Variants in TMEM135 observed in about 807,000 individuals in gnomAD.
TMEM135 encodes peroxisomal membrane protein 52.
Under a neutral mutation model 60.3 loss-of-function variants are expected in TMEM135, and 30 were observed. The observed-to-expected ratio is 0.50, with a 90% confidence interval of 0.37 to 0.68. The LOEUF (loss-of-function observed/expected upper bound fraction) is 0.68, where lower values mean the gene tolerates loss of function less well. Among genes scored for constraint, TMEM135 ranks in the 30% least tolerant of loss-of-function variants. The pLI, the probability that TMEM135 is intolerant of heterozygous loss-of-function variation, is 0.00. For missense variants in TMEM135, 468 were observed against 548.8 expected, an observed-to-expected ratio of 0.85 and a Z score of 1.47; for synonymous variants, 190 against 186.7, an observed-to-expected ratio of 1.02 and a Z score of -0.14.
rs1415177645 is a variant in TMEM135, at chr11:87,327,828, A to T, written c.*6495A>T. The stretch of plus-strand genomic sequence containing the variant: ...CAAGGTTAGAGGATCTGGGGTCCTA[A>T]TGTCCATGGGCAGTTGGAGAAGAGT... On this transcript the variant is annotated 3_prime_UTR_variant, in exon 15 of 15. Transcript: ENST00000305494. 1 of 453,990 alleles carries T rather than the reference A, an allele frequency of 2.2e-6. No homozygotes were observed. Among genetic ancestry groups the T allele is most frequent in the African/African-American group, 2.0e-5 (1 of 50,072 alleles). The allele number at this position is 453,990 out of a possible 1,614,324, so 28.1% of individuals were successfully genotyped here.
At chr11:87,088,967 T>A (rs1431290917) in intron 3 of TMEM135, among the ~76,000 whole-genome samples, 4 of 152,192 alleles carry the variant, frequency 2.6e-5, no homozygotes, top group African/African-American at 9.6e-5. Flanking sequence ...GAACACAAAC[T>A]TTGTTTCATG....
At chr11:87,189,756 C>CAAAAAAAAAAAAAAAAA (rs1939751750) in intron 5 of TMEM135, among the ~76,000 whole-genome samples, 1 of 107,938 alleles carries the variant, frequency 9.3e-6, no homozygotes, top group Non-Finnish European at 2.1e-5. Flanking sequence ...CCCGTCTCCA[C>CAAAAAAAAAAAAAAAAA]AGAAAAAAAA....
chr11:87,183,549 A>G (rs886392156), intron 5 of TMEM135, among the ~76,000 whole-genome samples: 1 of 152,192 alleles, frequency 6.6e-6, no homozygotes, highest in Admixed American at 6.5e-5. Flanking sequence ...ATTTTCAAAA[A>G]GGACATTGCG....
intron 14 of TMEM135, 75 bp from the exon 15 acceptor site, chr11:87,321,126 A>T (rs985380650): frequency 2.0e-5 from 26 of 1,287,728 alleles, no homozygotes; most frequent in Non-Finnish European, 2.7e-5. Context: ...CCCACATAAG[A>T]TAAGTCAACT....
intron 4 of TMEM135, among the ~76,000 whole-genome samples, chr11:87,139,655 G>A (rs1458979454): frequency 6.6e-6 from 1 of 152,106 alleles, no homozygotes; most frequent in Non-Finnish European, 1.5e-5. Context: ...GTACCATTTT[G>A]CCTTCCCGCC....
At chr11:87,298,805 C>A (rs1429736138) in intron 7 of TMEM135, among the ~76,000 whole-genome samples, 188 of 40,484 alleles carry the variant, frequency 4.6e-3, no homozygotes, top group South Asian at 6.8e-3. Context: ...AAAAAAAAAA[C>A]AGCCGGGCAC....
intron 4 of TMEM135, among the ~76,000 whole-genome samples, chr11:87,116,074 A>T (rs1857872019): frequency 1.3e-5 from 2 of 152,130 alleles, no homozygotes; most frequent in South Asian, 4.1e-4. Flanking sequence ...ACTCTTGAAG[A>T]AAATCAGTTA....
intron 5 of TMEM135, among the ~76,000 whole-genome samples, chr11:87,166,955 A>G (rs1939068963): frequency 6.6e-6 from 1 of 152,122 alleles, no homozygotes; most frequent in South Asian, 2.1e-4. Flanking sequence ...TATTTTTTCC[A>G]TTCGTTTGTG....
At chr11:87,139,486 GCTCT>G (rs1938204528) in intron 4 of TMEM135, among the ~76,000 whole-genome samples, 1 of 152,058 alleles carries the variant, frequency 6.6e-6, no homozygotes, top group Non-Finnish European at 1.5e-5. Flanking sequence ...TCACTTGTCT[GCTCT>G]CTGTCACTAA....
intron 4 of TMEM135, among the ~76,000 whole-genome samples, chr11:87,118,934 ATGTTGTGGT>A (rs1857967248): frequency 6.6e-6 from 1 of 152,300 alleles, no homozygotes; most frequent in Admixed American, 6.5e-5. Flanking sequence ...GGTGAAGGGA[ATGTTGTGGT>A]TGGTTTAATC....
At chr11:87,105,917 T>A (rs1189756590) in intron 4 of TMEM135, among the ~76,000 whole-genome samples, 1 of 152,124 alleles carries the variant, frequency 6.6e-6, no homozygotes. Flanking sequence ...TTCACTAACC[T>A]CTCTTCATCT....
Position 87,302,376 on chromosome 11 carries a change from A to C in TMEM135, c.632A>C (p.Glu211Ala). ...AAYAKVEQKR[E>A]QHEEKPGRMN... ...TATGCAAAAGTGGAACAAAAGAGAG[A>C]GCAACATGAGGAAAAACCCGGAAGA... Residue 211 changes from glutamate to alanine, a missense_variant, in exon 8 of 15, where the codon GAG (glutamate) becomes GCG (alanine). Transcript: ENST00000305494. The C allele has an allele frequency of 2.5e-6, 4 of 1,613,936 alleles. No individual in the cohort carries two copies. Among genetic ancestry groups the C allele is most frequent in the Non-Finnish European group, 3.4e-6 (4 of 1,179,926 alleles).
At chr11:87,255,106 C>G (rs553058920) in intron 6 of TMEM135, among the ~76,000 whole-genome samples, 1 of 152,238 alleles carries the variant, frequency 6.6e-6, no homozygotes, top group East Asian at 1.9e-4. Flanking sequence ...ATTTCTCCCC[C>G]ACTCTGACAC....
intron 4 of TMEM135, among the ~76,000 whole-genome samples, chr11:87,105,236 C>G (rs1220320100): frequency 6.6e-6 from 1 of 152,186 alleles, no homozygotes; most frequent in Non-Finnish European, 1.5e-5. Context: ...TGAACCTTGT[C>G]AGGAATCAGC....
chr11:87,294,469 C>T (rs1322212997), intron 6 of TMEM135, among the ~76,000 whole-genome samples: 5 of 152,108 alleles, frequency 3.3e-5, no homozygotes, highest in Non-Finnish European at 2.9e-5. Context: ...TTGCAACCTC[C>T]GCCCCCCGGG....
chr11:87,168,593 G>C (rs60217852), intron 5 of TMEM135, among the ~76,000 whole-genome samples: 11 of 152,268 alleles, frequency 7.2e-5, no homozygotes, highest in South Asian at 2.1e-4. Flanking sequence ...AGGTTGTTCA[G>C]TTTCCACTTA....
intron 1 of TMEM135, among the ~76,000 whole-genome samples, chr11:87,042,295 T>A (rs1949756859): frequency 6.6e-6 from 1 of 152,228 alleles, no homozygotes; most frequent in Non-Finnish European, 1.5e-5. Flanking sequence ...CTCTGAGCAT[T>A]CCTTCTTTTC....
Position 87,128,617 on chromosome 11 carries a change from A to T in TMEM135, c.397-28724A>T, listed in dbSNP as rs373214583. ...CTTGATGAACTGTTTTGTTAACTCTAAGAAAAATACTAGTAGGAAATGAAC... is the reference window on the plus strand; with the variant it reads ...CTTGATGAACTGTTTTGTTAACTCTTAGAAAAATACTAGTAGGAAATGAAC... On this transcript the variant is annotated intron_variant, in intron 4 of 14. Transcript: ENST00000305494. Among the ~76,000 whole-genome samples, 5 of 152,322 alleles carry T rather than the reference A, an allele frequency of 3.3e-5. No individual in the cohort carries two copies. The East Asian group carries it at 9.6e-4, about 29-fold the overall frequency.
chr11:87,284,641 T>C (rs1442995539), intron 6 of TMEM135, among the ~76,000 whole-genome samples: 1 of 152,212 alleles, frequency 6.6e-6, no homozygotes, highest in Admixed American at 6.5e-5. Flanking sequence ...ATGAAATAAA[T>C]GTACTGTGAA....
Sources: allele counts gnomAD v4.1 joint callset (sites outside exome capture counted in the v4.1 genomes callset), GRCh38; gene constraint gnomAD v4.1.1; transcripts MANE v1.5; gene names NCBI Gene and HGNC (gene_info 2026-07-23, HGNC 2026-07-21).